ANK2: variants seen among roughly 807,000 people sequenced by gnomAD.
ANK2 encodes the protein ankyrin-2.
In ANK2, 83 loss-of-function variants were observed where a neutral mutation model predicts 360.5. The observed-to-expected ratio is 0.23, with a 90% confidence interval of 0.19 to 0.28. The LOEUF (loss-of-function observed/expected upper bound fraction) is 0.28, where lower values mean the gene tolerates loss of function less well. ANK2 is among the 10% of genes least tolerant of loss of function. ANK2 has a pLI of 1.00. For synonymous variants in ANK2, 1,740 were observed against 1,759.5 expected (o/e 0.99, Z 0.28); for missense variants, 4,201 against 4,795.7 (o/e 0.88, Z 3.66).
the ANK2 span, among the ~76,000 whole-genome samples, chr4:112,802,857 G>A: frequency 3.3e-5 from 5 of 152,152 alleles, no homozygotes; most frequent in Admixed American, 6.5e-5. Context: ...GTTAGGAATC[G>A]TGTGCAAATG....
intron 2 of ANK2, among the ~76,000 whole-genome samples, chr4:113,178,270 A>G (rs189169982): frequency 6.6e-6 from 1 of 151,916 alleles, no homozygotes; most frequent in East Asian, 1.9e-4. Context: ...TCTTAAAAAA[A>G]TAAATAAATA....
At chr4:113,024,904 A>T (rs1474737332) in intron 2 of ANK2, among the ~76,000 whole-genome samples, 2 of 152,168 alleles carry the variant, frequency 1.3e-5, no homozygotes, top group Non-Finnish European at 2.9e-5. Context: ...AATAAAAAGA[A>T]GTCTGTCTTT....
intron 1 of ANK2, among the ~76,000 whole-genome samples, chr4:113,110,811 GAA>G (rs2094209607): frequency 6.6e-6 from 1 of 152,262 alleles, no homozygotes; most frequent in South Asian, 2.1e-4. Flanking sequence ...TGGAATTGCT[GAA>G]AGTGTTTATG....
chr4:113,193,007 C>T (rs2098695147), intron 2 of ANK2, among the ~76,000 whole-genome samples: 1 of 151,078 alleles, frequency 6.6e-6, no homozygotes, highest in Non-Finnish European at 1.5e-5. Flanking sequence ...CCATCCGGGG[C>T]GCTAGACGGG....
chr4:113,017,316 A>G (rs998444799), intron 2 of ANK2, among the ~76,000 whole-genome samples: 39 of 151,810 alleles, frequency 2.6e-4, no homozygotes, highest in African/African-American at 9.0e-4. Context: ...CCACTTATCT[A>G]TTTTGTGAAC....
chr4:112,808,051 A>G, the ANK2 span, among the ~76,000 whole-genome samples: 1 of 152,256 alleles, frequency 6.6e-6, no homozygotes, highest in Non-Finnish European at 1.5e-5. Flanking sequence ...AAGAACAGTC[A>G]GTGAGAAAGT....
chr4:112,830,019 C>T (rs907978225), intron 1 of ANK2, among the ~76,000 whole-genome samples: 1 of 151,782 alleles, frequency 6.6e-6, no homozygotes, highest in Non-Finnish European at 1.5e-5. Flanking sequence ...GGCGAGGTTG[C>T]GGAGAAAAGT....
At chr4:112,767,793 G>GA in the ANK2 span, among the ~76,000 whole-genome samples, 47,562 of 151,900 alleles carry the variant, frequency 0.31, 7,636 homozygotes, top group East Asian at 0.4. Flanking sequence ...GATACCAAGA[G>GA]AAACTCATTT....
chr4:112,830,543 C>T (rs772958726), intron 1 of ANK2, among the ~76,000 whole-genome samples: 8 of 152,200 alleles, frequency 5.3e-5, no homozygotes, highest in African/African-American at 1.7e-4. Flanking sequence ...TGGTACTTAT[C>T]GGTTACTATG....
intron 13 of ANK2, among the ~76,000 whole-genome samples, chr4:113,262,445 G>A (rs1247846682): frequency 6.6e-6 from 1 of 151,772 alleles, no homozygotes; most frequent in Non-Finnish European, 1.5e-5. Flanking sequence ...TCCCACCCTG[G>A]TCTTGAATGC....
At chr4:113,167,570 G>T (rs1039289163) in intron 1 of ANK2, among the ~76,000 whole-genome samples, 18 of 152,176 alleles carry the variant, frequency 1.2e-4, no homozygotes, top group African/African-American at 4.1e-4. Flanking sequence ...AAAGTGCGGG[G>T]ATTACAGGTG....
chr4:113,056,311 C>G (rs1276177200), intron 1 of ANK2, among the ~76,000 whole-genome samples: 1 of 152,148 alleles, frequency 6.6e-6, no homozygotes, highest in Non-Finnish European at 1.5e-5. Flanking sequence ...TTTCCATACA[C>G]TCTTTTCTGA....
the ANK2 span, among the ~76,000 whole-genome samples, chr4:112,773,003 A>G: frequency 1.3e-5 from 2 of 152,150 alleles, no homozygotes; most frequent in African/African-American, 2.4e-5. Context: ...TAGAATCTGT[A>G]TTTTAATTTA....
At chr4:112,862,352 A>G (rs936852464) in intron 1 of ANK2, among the ~76,000 whole-genome samples, 1 of 152,218 alleles carries the variant, frequency 6.6e-6, no homozygotes, top group African/African-American at 2.4e-5. Flanking sequence ...AAAGAGATAT[A>G]GATGGTTTGT....
At chr4:112,926,544 A>G (rs537861816) in intron 2 of ANK2, among the ~76,000 whole-genome samples, 80 of 152,316 alleles carry the variant, frequency 5.3e-4, no homozygotes, top group Non-Finnish European at 1.1e-3. Flanking sequence ...CTGGAGTGCT[A>G]GGTGTTGTCT....
Position 112,893,264 on chromosome 4 carries a change from T to C in ANK2, c.-39-11191T>C, listed in dbSNP as rs1376376819. 2.0e-5 allele frequency among the ~76,000 whole-genome samples: 3 copies of C among 152,130 alleles called. No homozygotes were observed. The South Asian group carries it at 6.2e-4, about 32-fold the overall frequency. On this transcript the variant is annotated intron_variant, in intron 1 of 30. Transcript: ENST00000503271. ...AACTTCCCAAACCCAAGAGATCCTC[T>C]CACCTCAGCATCCCAAGTAGGCTGG...
intron 19 of ANK2, 76 bp from the exon 20 acceptor site, chr4:113,288,312 C>A: frequency 1.7e-6 from 2 of 1,203,606 alleles, no homozygotes; most frequent in Non-Finnish European, 2.4e-6. Flanking sequence ...CCCAGTCCTT[C>A]TCCTCTGGGG....
intron 2 of ANK2, among the ~76,000 whole-genome samples, chr4:112,982,353 A>G (rs1183236035): frequency 6.6e-6 from 1 of 152,236 alleles, no homozygotes; most frequent in Non-Finnish European, 1.5e-5. Flanking sequence ...AGAATTATCA[A>G]TACAAAGTAA....
At chr4:113,217,691 C>G (rs1342471149) in intron 4 of ANK2, among the ~76,000 whole-genome samples, 1 of 152,022 alleles carries the variant, frequency 6.6e-6, no homozygotes, top group Non-Finnish European at 1.5e-5. Flanking sequence ...GGAGCTCAGG[C>G]GGTAATGCTC....
Sources: gnomAD v4.1 joint callset for allele counts (sites outside exome capture counted in the v4.1 genomes callset) on GRCh38, gnomAD v4.1.1 for gene constraint, MANE v1.5 for transcripts, NCBI Gene and HGNC (gene_info 2026-07-23, HGNC 2026-07-21) for gene names.